The following FOCAD variants were observed in gnomAD, a reference collection of about 807,000 sequenced individuals.
FOCAD encodes KIAA1797.
FOCAD carries 198 observed loss-of-function variants against 225.6 expected under a neutral mutation model. That is an observed-to-expected ratio of 0.88 (90% CI 0.78 to 0.99). The LOEUF is 0.99. Ranked by LOEUF, FOCAD falls within the 50% of genes least tolerant of loss-of-function variation. The pLI is 0.00. For synonymous variants in FOCAD, 897 were observed against 755.0 expected (o/e 1.19, Z -3.08); for missense variants, 2,713 against 2,123.6 (o/e 1.28, Z -5.46).
At chr9:20,860,551 GA>G (rs1828674916) in intron 15 of FOCAD, among the ~76,000 whole-genome samples, 1 of 152,162 alleles carries the variant, frequency 6.6e-6, no homozygotes, top group African/African-American at 2.4e-5. Context: ...TTGTTTTTGA[GA>G]CAGAGTCTCA....
intron 22 of FOCAD, among the ~76,000 whole-genome samples, chr9:20,911,562 G>A (rs1477740698): frequency 6.6e-6 from 1 of 152,122 alleles, no homozygotes; most frequent in Non-Finnish European, 1.5e-5. Context: ...ATAAGAGGGA[G>A]GTAGAGATCT....
In FOCAD at chr9:20,926,301, G is replaced by A. The variant is rs757590161; in HGVS notation, c.2962G>A (p.Val988Ile). The change falls in exon 26 of 44, where the codon GTT becomes ATT. Residue 988 changes from valine to isoleucine, a missense_variant and splice_region_variant. Coordinates refer to ENST00000338382, the MANE Select transcript of FOCAD (RefSeq NM_001375567.1). ...LSSDSDGLLEVQPNFLSMKEW... is the reference protein window; with the variant it reads ...LSSDSDGLLEIQPNFLSMKEW... ...TTTCATGTTTTTAATTCATCTGCAG[G>A]TTCAACCTAATTTCCTTTCAATGAA... 3.2e-6 allele frequency: 5 copies of A among 1,575,194 alleles called. No individual in the cohort carries two copies. Among genetic ancestry groups the A allele is most frequent in the Non-Finnish European group, 4.4e-6 (5 of 1,145,480 alleles).
At chr9:20,908,117 T>C (rs1241285855) in intron 22 of FOCAD, among the ~76,000 whole-genome samples, 4 of 152,102 alleles carry the variant, frequency 2.6e-5, no homozygotes, top group Non-Finnish European at 4.4e-5. Flanking sequence ...TTGGGGAATA[T>C]ACAGTTAACA....
rs904842314 is a variant in FOCAD at position 20,663,048 on chromosome 9, G to T, written c.-78+4222G>T. On this transcript the variant is annotated intron_variant, in intron 2 of 45. Transcript: ENST00000380249. ...TCAGTAAACAAACTATAAAACAAAA[G>T]GTTTTTTACTTCTGATAATATCAAG... Among the ~76,000 whole-genome samples, 4 of 152,076 alleles carry T rather than the reference G, an allele frequency of 2.6e-5. No individual in the cohort carries two copies. In the South Asian group the frequency reaches 8.3e-4, roughly 32 times the overall value.
At chr9:20,719,968 A>G (rs191591004) in intron 3 of FOCAD, among the ~76,000 whole-genome samples, 11 of 152,174 alleles carry the variant, frequency 7.2e-5, no homozygotes, top group Non-Finnish European at 4.4e-5. Context: ...TCTTCTGAAA[A>G]TAACTGTTAT....
At chr9:20,972,339 G>C (rs1839838156) in intron 35 of FOCAD, among the ~76,000 whole-genome samples, 1 of 152,006 alleles carries the variant, frequency 6.6e-6, no homozygotes, top group Non-Finnish European at 1.5e-5. Flanking sequence ...GGTTCTAATA[G>C]GTATAGGCTG....
rs751182334 is a variant in FOCAD at position 20,990,229 on chromosome 9, A to G, written c.5111A>G (p.Gln1704Arg). Residue 1704 changes from glutamine (Q) to arginine (R), a missense_variant, in exon 42 of 44, where the codon CAG (glutamine) becomes CGG (arginine). Gln to Arg is a conservative substitution (Grantham distance 43). Transcript: ENST00000338382. Reference sequence around the variant, plus strand: ...AGTGCCAGTTGGTTGCCATGGCATCAGGAGAATGGCCCGGCTGGGCCAGTA... The same window carrying G: ...AGTGCCAGTTGGTTGCCATGGCATCGGGAGAATGGCCCGGCTGGGCCAGTA... ...GLSASWLPWH[Q>R]ENGPAGPVPS... 6.2e-7 allele frequency: 1 copy of G among 1,614,206 alleles called. No homozygotes were observed. Among genetic ancestry groups the G allele is most frequent in the Non-Finnish European group, 8.5e-7 (1 of 1,180,028 alleles).
intron 15 of FOCAD, among the ~76,000 whole-genome samples, chr9:20,833,888 C>T (rs1192165351): frequency 1.3e-5 from 2 of 152,106 alleles, no homozygotes; most frequent in Middle Eastern, 3.4e-3. Context: ...AACTGGATAT[C>T]TCATATATTG....
At chr9:20,789,691 T>G in intron 11 of FOCAD, 83 bp downstream of exon 11, 4 of 1,530,758 alleles carry the variant, frequency 2.6e-6, no homozygotes, top group Non-Finnish European at 3.5e-6. Context: ...TGTGGATTAT[T>G]TGCATCAGAG....
chr9:20,782,407 C>G (rs1429034422), intron 10 of FOCAD, among the ~76,000 whole-genome samples: 2 of 152,164 alleles, frequency 1.3e-5, no homozygotes, highest in Non-Finnish European at 2.9e-5. Flanking sequence ...CATAATGGCT[C>G]TCGATGTCCC....
chr9:20,981,558 G>A lies in FOCAD; in HGVS notation c.4510G>A (p.Glu1504Lys), dbSNP rs1587777883. ...FKAASPLGSP[E>K]LCPSALHGLS... ...AGCAGCTTCCCCACTTGGAAGTCCT[G>A]AGCTATGCCCAAGTGCTTTACACGG... The change falls in exon 38 of 44, where the codon GAG becomes AAG. Residue 1504 changes from glutamate to lysine, a missense_variant. By Grantham distance (56) the Glu-to-Lys change is moderately conservative. Transcript: ENST00000338382. 6.2e-7 allele frequency: 1 copy of A among 1,614,058 alleles called. No individual in the cohort carries two copies. Among genetic ancestry groups the A allele is most frequent in the Non-Finnish European group, 8.5e-7 (1 of 1,179,994 alleles).
At chr9:20,666,729 A>G (rs1192394778) in intron 2 of FOCAD, among the ~76,000 whole-genome samples, 1 of 152,142 alleles carries the variant, frequency 6.6e-6, no homozygotes, top group Non-Finnish European at 1.5e-5. Context: ...AATTATGGTG[A>G]TGGTTTAAAA....
chr9:20,659,104 C>A (rs1016368977), intron 2 of FOCAD, among the ~76,000 whole-genome samples: 1 of 152,124 alleles, frequency 6.6e-6, no homozygotes, highest in African/African-American at 2.4e-5. Context: ...CCTGTAGTCC[C>A]AGCTACTTGG....
intron 16 of FOCAD, 69 bp from the exon 17 acceptor site, chr9:20,865,840 ATTTTCATTATTTGCTAC>A (rs749431694): frequency 1.1e-6 from 1 of 899,206 alleles, no homozygotes; most frequent in Non-Finnish European, 1.7e-6. Context: ...AAGTGACTTA[ATTTTCATTATTTGCTAC>A]TTTGGATTAT....
chr9:20,839,262 T>TTC (rs1554701631), intron 15 of FOCAD, among the ~76,000 whole-genome samples: 4 of 145,784 alleles, frequency 2.7e-5, no homozygotes, highest in African/African-American at 1.0e-4. Flanking sequence ...TTTCTTTCTT[T>TTC]TTTTTTTTTT....
intron 15 of FOCAD, among the ~76,000 whole-genome samples, chr9:20,848,215 GA>G (rs1340385172): frequency 5.9e-5 from 9 of 152,044 alleles, no homozygotes; most frequent in Non-Finnish European, 1.2e-4. Context: ...CGGCCATGTA[GA>G]AATATGACTG....
chr9:20,976,060 A>G (rs10125958), intron 35 of FOCAD, among the ~76,000 whole-genome samples: 55,591 of 151,956 alleles, frequency 0.37, 10,471 homozygotes, highest in East Asian at 0.46. Context: ...CTAGATAAAA[A>G]GATTTTGAAT....
In FOCAD at chr9:20,866,956, A is replaced by G; in HGVS notation, c.2134A>G (p.Arg712Gly). The change falls in exon 18 of 44, where the codon AGA becomes GGA. Residue 712 changes from arginine (R) to glycine (G), a missense_variant. Arg to Gly is a moderately radical substitution (Grantham distance 125). Transcript: ENST00000338382. Reference sequence around the variant, plus strand: ...CCCAATTGTAGCAAATGCTGCATATAGATCCCTGGCCAACTTTAGTGCAGG... The same window carrying G: ...CCCAATTGTAGCAAATGCTGCATATGGATCCCTGGCCAACTTTAGTGCAGG... ...KDPIVANAAYRSLANFSAGEH... is the reference protein window; with the variant it reads ...KDPIVANAAYGSLANFSAGEH... 3.3e-6 allele frequency: 5 copies of G among 1,530,744 alleles called. No homozygotes were observed. The highest frequency in any genetic ancestry group is 4.4e-6 in the Non-Finnish European group (5 of 1,133,326). The allele number at this position is 1,530,744 out of a possible 1,614,324, so 94.8% of individuals were successfully genotyped here. A position where few individuals can be genotyped will look rare whatever the true frequency, so the allele number is the denominator to read the frequency against.
Position 20,758,057 on chromosome 9 carries a change from A to T in FOCAD, c.393-33A>T, listed in dbSNP as rs745703760. On this transcript the variant is annotated intron_variant, in intron 5 of 43. Coordinates refer to ENST00000338382, the MANE Select transcript of FOCAD (RefSeq NM_001375567.1). ...TATTGAAAATGTGTAGTCCTGAATA[A>T]CAGGTTCCCATGTGACTTTCTGTGT... 4 of 1,472,614 alleles carry T rather than the reference A, an allele frequency of 2.7e-6. No individual in the cohort carries two copies. The South Asian group carries it at 3.6e-5, about 13-fold the overall frequency. The allele number at this position is 1,472,614 out of a possible 1,614,324, so 91.2% of individuals were successfully genotyped here. A position where few individuals can be genotyped will look rare whatever the true frequency, so the allele number is the denominator to read the frequency against.
Sources: allele counts gnomAD v4.1 joint callset (sites outside exome capture counted in the v4.1 genomes callset), GRCh38; gene constraint gnomAD v4.1.1; transcripts MANE v1.5; gene names NCBI Gene and HGNC (gene_info 2026-07-23, HGNC 2026-07-21).